The following FRMPD2 variants were observed in gnomAD, a reference collection of about 807,000 sequenced individuals.
FRMPD2 encodes the protein FERM and PDZ domain-containing protein 2.
FRMPD2 carries 96 observed loss-of-function variants against 140.1 expected under a neutral mutation model. That is an observed-to-expected ratio of 0.69 (90% CI 0.58 to 0.81). FRMPD2 has a LOEUF of 0.81. Ranked by LOEUF, FRMPD2 falls within the 40% of genes least tolerant of loss-of-function variation. The probability of loss-of-function intolerance (pLI) is 0.00; values close to 1 mark genes in which losing one functional copy is unlikely to be tolerated. For synonymous variants in FRMPD2, 449 were observed against 547.6 expected (o/e 0.82, Z 2.52); for missense variants, 1,240 against 1,447.4 (o/e 0.86, Z 2.32).
At chr10:48,271,549 C>T (rs1163164518) in intron 1 of FRMPD2, among the ~76,000 whole-genome samples, 2 of 152,306 alleles carry the variant, frequency 1.3e-5, no homozygotes, top group East Asian at 3.9e-4. Flanking sequence ...CTTCCTGCCT[C>T]CCTTCACTAC....
chr10:48,227,014 C>A (rs1839737338), intron 10 of FRMPD2, among the ~76,000 whole-genome samples: 1 of 152,136 alleles, frequency 6.6e-6, no homozygotes, highest in African/African-American at 2.4e-5. Context: ...TGCTGAGAGG[C>A]CTGACAAAAG....
rs146713674 is a variant in FRMPD2, at chr10:48,274,553, C to T, written c.15G>A (p.Thr5=). The change falls in exon 1 of 29, where the codon ACG becomes ACA. Residue 5 remains threonine, a synonymous_variant. Coordinates refer to ENST00000374201, the MANE Select transcript of FRMPD2 (RefSeq NM_001018071.4). Reference sequence around the variant, plus strand: ...GATGCCAAGGAATACCTGCGTCCTTCGTTAAAGGCTGCATCCAAAAGTCTC... The same window carrying T: ...GATGCCAAGGAATACCTGCGTCCTTTGTTAAAGGCTGCATCCAAAAGTCTC... MQPL[T]KDAGMSLSSV... 2.9e-5 allele frequency: 46 copies of T among 1,613,968 alleles called. No individual in the cohort carries two copies. In the Admixed American group the frequency reaches 4.8e-4, roughly 17 times the overall value.
intron 18 of FRMPD2, among the ~76,000 whole-genome samples, 157 bp downstream of exon 18, chr10:48,185,396 A>T (rs1838656867): frequency 6.6e-6 from 1 of 152,176 alleles, no homozygotes; most frequent in Non-Finnish European, 1.5e-5. Context: ...AGGAACAATT[A>T]AAGGGAGAAA....
rs141303187 is a variant in FRMPD2, at chr10:48,239,631, G to A, written c.762C>T (p.His254=). ...SPEPHWSTLT[H]SHCSLLVNRA... The stretch of plus-strand genomic sequence containing the variant: ...GGTTAACAAGGAGGCTGCAGTGACT[G>A]TGTGTCAAGGTGCTCCAATGGGGCT... Residue 254 remains histidine (H), a synonymous_variant, in exon 7 of 29, where the codon CAC becomes CAT. Coordinates refer to ENST00000374201, the MANE Select transcript of FRMPD2 (RefSeq NM_001018071.4). The A allele has an allele frequency of 3.5e-5, 57 of 1,614,116 alleles. No homozygotes were observed. The African/African-American group carries it at 7.3e-4, about 21-fold the overall frequency.
At chr10:48,250,255 C>T (rs558827577) in intron 2 of FRMPD2, among the ~76,000 whole-genome samples, 85 of 152,310 alleles carry the variant, frequency 5.6e-4, no homozygotes, top group Middle Eastern at 6.8e-3. Flanking sequence ...CAGGGCACAC[C>T]AGCAAATTCT....
chr10:48,182,962 C>A (rs1173652292), intron 20 of FRMPD2, among the ~76,000 whole-genome samples: 1 of 152,170 alleles, frequency 6.6e-6, no homozygotes, highest in Non-Finnish European at 1.5e-5. Context: ...AAGCCAGAGA[C>A]TGGCATTGGA....
chr10:48,198,317 G>C (rs1216406766), intron 15 of FRMPD2, among the ~76,000 whole-genome samples: 1 of 152,188 alleles, frequency 6.6e-6, no homozygotes, highest in Non-Finnish European at 1.5e-5. Context: ...AACCAAATTA[G>C]TGTTGTGTGT....
intron 5 of FRMPD2, among the ~76,000 whole-genome samples, chr10:48,241,553 C>T (rs1840105523): frequency 6.6e-6 from 1 of 152,246 alleles, no homozygotes; most frequent in African/African-American, 2.4e-5. Flanking sequence ...TCACTCCCCT[C>T]TCCCAGGAAC....
At chr10:48,195,569 G>A (rs1838932421) in intron 15 of FRMPD2, among the ~76,000 whole-genome samples, 8 of 152,052 alleles carry the variant, frequency 5.3e-5, no homozygotes, top group Admixed American at 5.2e-4. Context: ...TTGGCACTTG[G>A]GAAAACAGCA....
At chr10:48,236,382 G>A (rs977511775) in intron 9 of FRMPD2, 100 bp downstream of exon 9, 37 of 924,836 alleles carry the variant, frequency 4.0e-5, no homozygotes, top group Non-Finnish European at 6.1e-5. Context: ...TGCCACTGGG[G>A]TGTTCCCATG....
At chr10:48,208,348 TA>T (rs1483128595) in intron 13 of FRMPD2, among the ~76,000 whole-genome samples, 10 of 152,366 alleles carry the variant, frequency 6.6e-5, no homozygotes, top group East Asian at 1.9e-4. Flanking sequence ...TGTTTACCTA[TA>T]CAAAGAGAGA....
At chr10:48,174,059 AG>A (rs1282287241) in intron 24 of FRMPD2, among the ~76,000 whole-genome samples, 8 of 152,262 alleles carry the variant, frequency 5.3e-5, no homozygotes, top group African/African-American at 1.9e-4. Context: ...TTCTCAAGAT[AG>A]GTCAACCAAA....
intron 14 of FRMPD2, among the ~76,000 whole-genome samples, chr10:48,206,483 A>G (rs746852302): frequency 6.6e-6 from 1 of 152,236 alleles, no homozygotes; most frequent in Non-Finnish European, 1.5e-5. Context: ...AGCCCTTTAG[A>G]CCAATGGCTG....
intron 1 of FRMPD2, among the ~76,000 whole-genome samples, chr10:48,254,360 AT>A (rs1340869418): frequency 6.6e-6 from 1 of 152,152 alleles, no homozygotes; most frequent in East Asian, 1.9e-4. Context: ...AAAAATGCAA[AT>A]TCCTTTTCTT....
chr10:48,207,742 A>G (rs942509820), intron 13 of FRMPD2, among the ~76,000 whole-genome samples: 4 of 152,222 alleles, frequency 2.6e-5, no homozygotes, highest in African/African-American at 9.6e-5. Flanking sequence ...CTCTTGCTCC[A>G]GGCATTTGAA....
intron 1 of FRMPD2, among the ~76,000 whole-genome samples, chr10:48,253,980 C>T (rs1840441267): frequency 1.3e-5 from 2 of 151,834 alleles, no homozygotes; most frequent in Non-Finnish European, 1.5e-5. Flanking sequence ...TGTTATTGGA[C>T]GTGTCAGGAT....
chr10:48,221,708 G>T (rs920246623), intron 12 of FRMPD2, among the ~76,000 whole-genome samples: 1 of 152,152 alleles, frequency 6.6e-6, no homozygotes, highest in Admixed American at 6.5e-5. Flanking sequence ...GTACCTATTG[G>T]ACTAGAACTA....
chr10:48,241,320 C>T (rs1193400117), intron 5 of FRMPD2, among the ~76,000 whole-genome samples: 3 of 152,212 alleles, frequency 2.0e-5, no homozygotes, highest in Non-Finnish European at 4.4e-5. Context: ...AGTGCAGCCA[C>T]TCAACTGGCC....
intron 10 of FRMPD2, among the ~76,000 whole-genome samples, chr10:48,224,064 A>G (rs1839670252): frequency 2.0e-5 from 3 of 152,288 alleles, no homozygotes; most frequent in Admixed American, 6.5e-5. Flanking sequence ...AGTGGAGTCA[A>G]TTTGCCCTTT....
Sources: gnomAD v4.1 joint callset for allele counts (sites outside exome capture counted in the v4.1 genomes callset) on GRCh38, gnomAD v4.1.1 for gene constraint, MANE v1.5 for transcripts, NCBI Gene and HGNC (gene_info 2026-07-23, HGNC 2026-07-21) for gene names.